POFUT2: variants seen among roughly 807,000 people sequenced by gnomAD.
POFUT2 encodes the protein GDP-fucose protein O-fucosyltransferase 2.
Under a neutral mutation model 55.0 loss-of-function variants are expected in POFUT2, and 30 were observed. The ratio of observed to expected loss-of-function variants is 0.55; its 90% confidence interval spans 0.41 to 0.74. POFUT2 has a LOEUF of 0.74. Among genes scored for constraint, POFUT2 ranks in the 30% least tolerant of loss-of-function variants. POFUT2 has a pLI of 0.00. For missense variants in POFUT2, 524 were observed against 562.6 expected, an observed-to-expected ratio of 0.93 and a Z score of 0.69; for synonymous variants, 267 against 231.1, an observed-to-expected ratio of 1.16 and a Z score of -1.41.
chr21:45,270,669 C>T lies in POFUT2; in HGVS notation c.832-650G>A, dbSNP rs563741753. ...CACTTCACTCCCCCGCCACCTCCAG[C>T]AGAGCAGGTGCTGGAACCCATGGCT... is the stretch of plus-strand genomic sequence containing the variant. On this transcript the variant is annotated intron_variant, in intron 6 of 8. Coordinates refer to ENST00000349485, the MANE Select transcript of POFUT2 (RefSeq NM_133635.6). This position sits in a 1 kb window ranked among gnomAD's most constrained non-coding sequence, Gnocchi z 4.6. 1.6e-4 allele frequency among the ~76,000 whole-genome samples: 25 copies of T among 152,352 alleles called. No homozygotes were observed. Among genetic ancestry groups the T allele is most frequent in the African/African-American group, 4.6e-4 (19 of 41,576 alleles).
At chr21:45,271,309 C>T (rs963944326) in intron 6 of POFUT2, among the ~76,000 whole-genome samples, 1 of 151,924 alleles carries the variant, frequency 6.6e-6, no homozygotes, top group African/African-American at 2.4e-5. Flanking sequence ...CTTCAGAGCT[C>T]GAAGACAAGG....
In POFUT2 at chr21:45,270,101, C is replaced by T; in HGVS notation, c.832-82G>A. 4 of 1,165,528 alleles carry T rather than the reference C, an allele frequency of 3.4e-6. No homozygotes were observed. Among genetic ancestry groups the T allele is most frequent in the Non-Finnish European group, 4.6e-6 (4 of 860,488 alleles). 72.2% of individuals were successfully genotyped at this position (1,165,528 alleles called of 1,614,324 possible). On this transcript the variant is annotated intron_variant, in intron 6 of 8. Coordinates refer to ENST00000349485, the MANE Select transcript of POFUT2 (RefSeq NM_133635.6). This position sits in a 1 kb window ranked among gnomAD's most constrained non-coding sequence, Gnocchi z 4.6. Reference sequence around the variant, plus strand: ...TGGGCACCGGGTGGGACTCGAGACGCAGAGGGATGACCCTTTCCATGTGGC... The same window carrying T: ...TGGGCACCGGGTGGGACTCGAGACGTAGAGGGATGACCCTTTCCATGTGGC...
Position 45,265,548 on chromosome 21 carries a change from G to A in POFUT2, c.1224C>T (p.Tyr408=), listed in dbSNP as rs1209108960. The A allele has an allele frequency of 6.2e-7, 1 of 1,614,174 alleles. No individual in the cohort carries two copies. Among genetic ancestry groups the A allele is most frequent in the Non-Finnish European group, 8.5e-7 (1 of 1,180,012 alleles). Residue 408 remains tyrosine, a synonymous_variant, in exon 9 of 9, where the codon TAC becomes TAT. Coordinates refer to ENST00000349485, the MANE Select transcript of POFUT2 (RefSeq NM_133635.6). This position sits in a 1 kb window ranked among gnomAD's most constrained non-coding sequence, Gnocchi z 4.6. The part of the protein sequence containing the change: ...EILGLDPKTT[Y]NRFCGDQEKA... The stretch of plus-strand genomic sequence containing the variant: ...TCTCTTGGTCTCCGCAGAACCTGTT[G>A]TACGTCGTCTTGGGGTCCAACCCCA...
intron 4 of POFUT2, among the ~76,000 whole-genome samples, chr21:45,278,384 A>G (rs914217): frequency 0.22 from 33,252 of 152,098 alleles, 4,048 homozygotes; most frequent in South Asian, 0.39. Context: ...TTTAATGCCT[A>G]CTGTCAACGA....
At chr21:45,283,280 G>A (rs1274239363) in intron 3 of POFUT2, 103 bp downstream of exon 3, 21 of 507,106 alleles carry the variant, frequency 4.1e-5, no homozygotes, top group Non-Finnish European at 6.9e-5. Flanking sequence ...CACGGTGGTG[G>A]GGAGGAGTGG....
rs763840101 is a variant in POFUT2, at chr21:45,278,129, G to C, written c.679C>G (p.His227Asp). The C allele has an allele frequency of 1.9e-6, 3 of 1,613,780 alleles. No homozygotes were observed. The highest frequency in any genetic ancestry group is 2.2e-5 in the South Asian group (2 of 91,078). The change falls in exon 5 of 9, where the codon CAC (histidine) becomes GAC (aspartate). Residue 227 changes from histidine to aspartate, a missense_variant. Coordinates refer to ENST00000349485, the MANE Select transcript of POFUT2 (RefSeq NM_133635.6). Reference sequence around the variant, plus strand: ...TCCCAGTATTCTTTCCCTCCATAGTGGTCGTGAAGTAGGTTCTCGGCTCTG... The same window carrying C: ...TCCCAGTATTCTTTCCCTCCATAGTCGTCGTGAAGTAGGTTCTCGGCTCTG... ...LDRAENLLHD[H>D]YGGKEYWDTR...
At position 45,265,451 on chromosome 21, in the gene POFUT2, G is replaced by A. The variant is rs368685176; in HGVS notation, c.*31C>T. ...GAACCTGCATCCACCCGCGCCTGTCGGGTCCGGGGAGCGGCCCTGGAGGAT... is the reference window on the plus strand; with the variant it reads ...GAACCTGCATCCACCCGCGCCTGTCAGGTCCGGGGAGCGGCCCTGGAGGAT... On this transcript the variant is annotated 3_prime_UTR_variant, in exon 9 of 9. Transcript: ENST00000349485. The surrounding 1 kb of genome is among the most constrained non-coding windows in gnomAD (Gnocchi z 4.6). The A allele has an allele frequency of 2.7e-5, 43 of 1,576,698 alleles. No individual in the cohort carries two copies. The highest frequency in any genetic ancestry group is 3.4e-5 in the Non-Finnish European group (39 of 1,159,992).
intron 1 of POFUT2, among the ~76,000 whole-genome samples, chr21:45,286,751 T>C (rs2031452091): frequency 6.6e-6 from 1 of 151,762 alleles, no homozygotes; most frequent in Non-Finnish European, 1.5e-5. Context: ...CTTTCCCTGC[T>C]CTGCGCTGGT....
chr21:45,267,466 A>G lies in POFUT2; in HGVS notation c.1136+124T>C. 1.1e-5 allele frequency: 18 copies of G among 1,614,130 alleles called. No homozygotes were observed. Among genetic ancestry groups the G allele is most frequent in the Non-Finnish European group, 1.4e-5 (17 of 1,179,992 alleles). On this transcript the variant is annotated intron_variant, in intron 8 of 8. Coordinates refer to ENST00000349485, the MANE Select transcript of POFUT2 (RefSeq NM_133635.6). The surrounding 1 kb of genome is among the most constrained non-coding windows in gnomAD (Gnocchi z 4.4). ...TACAGGAGACTCAGACGAGGAGGCAAACAGTATGGAAATGACCACTGTGAA... is the reference window on the plus strand; with the variant it reads ...TACAGGAGACTCAGACGAGGAGGCAGACAGTATGGAAATGACCACTGTGAA...
rs746863515 is a variant in POFUT2, at chr21:45,282,468, C to G, written c.528-9G>C. 6.7e-7 allele frequency: 1 copy of G among 1,487,428 alleles called. No homozygotes were observed. Among genetic ancestry groups the G allele is most frequent in the East Asian group, 2.3e-5 (1 of 44,294 alleles). The allele number at this position is 1,487,428 out of a possible 1,614,324, so 92.1% of individuals were successfully genotyped here. A position where few individuals can be genotyped will look rare whatever the true frequency, so the allele number is the denominator to read the frequency against. ...AACCCCAAAACCATCCTCTGGAAAA[C>G]AAAACCCACAGCAGCTCTATCAGTT... is the stretch of plus-strand genomic sequence containing the variant. On this transcript the variant is annotated splice_polypyrimidine_tract_variant and intron_variant, in intron 3 of 8. Coordinates refer to ENST00000349485, the MANE Select transcript of POFUT2 (RefSeq NM_133635.6). This position sits in a 1 kb window ranked among gnomAD's most constrained non-coding sequence, Gnocchi z 4.6.
At position 45,265,551 on chromosome 21, in the gene POFUT2, C is replaced by T. The variant is rs149920239; in HGVS notation, c.1221G>A (p.Thr407=). The change falls in exon 9 of 9, where the codon ACG becomes ACA. Residue 407 remains threonine, a synonymous_variant. Transcript: ENST00000349485. The surrounding 1 kb of genome is among the most constrained non-coding windows in gnomAD (Gnocchi z 4.6). ...REILGLDPKT[T]YNRFCGDQEK... ...CTTGGTCTCCGCAGAACCTGTTGTA[C>T]GTCGTCTTGGGGTCCAACCCCAGGA... is the stretch of plus-strand genomic sequence containing the variant. The T allele has an allele frequency of 1.4e-4, 228 of 1,613,990 alleles. 1 individual carries two copies. Among genetic ancestry groups the T allele is most frequent in the Non-Finnish European group, 1.8e-4 (210 of 1,180,004 alleles).
At position 45,282,806 on chromosome 21, in the gene POFUT2, G is replaced by C. The variant is rs1434580852; in HGVS notation, c.528-347C>G. On this transcript the variant is annotated intron_variant, in intron 3 of 8. Coordinates refer to ENST00000349485, the MANE Select transcript of POFUT2 (RefSeq NM_133635.6). The surrounding 1 kb of genome is among the most constrained non-coding windows in gnomAD (Gnocchi z 4.6). The stretch of plus-strand genomic sequence containing the variant: ...CCGCGCCCTTCCCAAGAGCTCACCT[G>C]CCATGCTTTAGAGCCAGCTGCCCTG... 2.0e-6 allele frequency: 1 copy of C among 494,134 alleles called. No homozygotes were observed. Among genetic ancestry groups the C allele is most frequent in the South Asian group, 1.5e-5 (1 of 64,728 alleles). The allele number at this position is 494,134 out of a possible 1,614,324, so 30.6% of individuals were successfully genotyped here.
At chr21:45,266,334 T>C (rs2093154026) in intron 8 of POFUT2, 3 of 1,351,358 alleles carry the variant, frequency 2.2e-6, no homozygotes, top group Non-Finnish European at 3.0e-6. Flanking sequence ...TGTATGCTGC[T>C]GCGGGGTGCA....
chr21:45,277,640 G>C lies in POFUT2; in HGVS notation c.705+463C>G, dbSNP rs544175200. The C allele has an allele frequency of 4.5e-6, 1 of 220,892 alleles. No homozygotes were observed. The highest frequency in any genetic ancestry group is 5.2e-5 in the Admixed American group (1 of 19,234). 13.7% of individuals were successfully genotyped at this position (220,892 alleles called of 1,614,324 possible). A position where few individuals can be genotyped will look rare whatever the true frequency, so the allele number is the denominator to read the frequency against. ...AGCAGGCCTGCTGTGTCCACGGGAG[G>C]GGGCAGCCACTTCCCGCCCTCTGCT... On this transcript the variant is annotated intron_variant, in intron 5 of 8. Coordinates refer to ENST00000349485, the MANE Select transcript of POFUT2 (RefSeq NM_133635.6). This position sits in a 1 kb window ranked among gnomAD's most constrained non-coding sequence, Gnocchi z 6.9.
At chr21:45,274,591 C>T (rs547923668) in intron 6 of POFUT2, among the ~76,000 whole-genome samples, 1 of 152,214 alleles carries the variant, frequency 6.6e-6, no homozygotes, top group African/African-American at 2.4e-5. Flanking sequence ...ACCAAAACAG[C>T]ATGGTACCGC....
rs745701352 is a variant in POFUT2 at position 45,269,870 on chromosome 21, C to G, written c.981G>C (p.Lys327Asn). Reference sequence around the variant, plus strand: ...TGACGGCATCTGTGGCCACAAACACCTTGTCCAGCCGGTGGGTCTTCATGA... The same window carrying G: ...TGACGGCATCTGTGGCCACAAACACGTTGTCCAGCCGGTGGGTCTTCATGA... ...RSLMKTHRLD[K>N]VFVATDAVRK... Residue 327 changes from lysine to asparagine, a missense_variant, in exon 7 of 9, where the codon AAG becomes AAC. Lys to Asn is a moderately conservative substitution (Grantham distance 94). Transcript: ENST00000349485. The G allele has an allele frequency of 6.8e-6, 11 of 1,610,288 alleles. No individual in the cohort carries two copies. Among genetic ancestry groups the G allele is most frequent in the Non-Finnish European group, 8.5e-6 (10 of 1,178,996 alleles).
rs755556248 is a variant in POFUT2 at position 45,285,892 on chromosome 21, G to A, written c.168C>T (p.Phe56=). The change falls in exon 2 of 9, where the codon TTC becomes TTT. Residue 56 remains phenylalanine (F), a synonymous_variant. Transcript: ENST00000349485. The surrounding 1 kb of genome is among the most constrained non-coding windows in gnomAD (Gnocchi z 4.9). ...LLYDVNPPEG[F]NLRRDVYIRI... ...GGATATAGACATCCCTGCGCAGGTT[G>A]AAGCCTTCCGGGGGGTTGACGTCAT... 1.9e-6 allele frequency: 3 copies of A among 1,612,102 alleles called. No homozygotes were observed. Among genetic ancestry groups the A allele is most frequent in the Non-Finnish European group, 1.7e-6 (2 of 1,179,498 alleles).
chr21:45,276,520 C>G (rs1338047836), intron 6 of POFUT2, among the ~76,000 whole-genome samples: 4 of 152,206 alleles, frequency 2.6e-5, no homozygotes, highest in African/African-American at 9.6e-5. Context: ...AATTACATCA[C>G]AGAAAAACTC....
chr21:45,265,713 G>C lies in POFUT2; in HGVS notation c.1137-78C>G. The C allele has an allele frequency of 5.9e-6, 9 of 1,529,694 alleles. No homozygotes were observed. The highest frequency in any genetic ancestry group is 7.9e-6 in the Non-Finnish European group (9 of 1,143,744). 94.8% of individuals were successfully genotyped at this position (1,529,694 alleles called of 1,614,324 possible). On this transcript the variant is annotated intron_variant, in intron 8 of 8. Coordinates refer to ENST00000349485, the MANE Select transcript of POFUT2 (RefSeq NM_133635.6). This position sits in a 1 kb window ranked among gnomAD's most constrained non-coding sequence, Gnocchi z 4.6. Reference sequence around the variant, plus strand: ...TTCCAGAGTCAGGGAGAACTGAGAGGAGCAGCTGAGTGAAATGAGTTCCAC... The same window carrying C: ...TTCCAGAGTCAGGGAGAACTGAGAGCAGCAGCTGAGTGAAATGAGTTCCAC...
Sources: allele counts gnomAD v4.1 joint callset (sites outside exome capture counted in the v4.1 genomes callset), GRCh38; gene constraint gnomAD v4.1.1; non-coding constraint Gnocchi (gnomAD v3.1); transcripts MANE v1.5; gene names NCBI Gene and HGNC (gene_info 2026-07-23, HGNC 2026-07-21).